The following MAGI3 variants were observed in gnomAD, a reference collection of about 807,000 sequenced individuals.
The protein encoded by MAGI3 is membrane-associated guanylate kinase, WW and PDZ domain-containing protein 3.
MAGI3 carries 43 observed loss-of-function variants against 121.8 expected under a neutral mutation model. The observed-to-expected ratio is 0.35, with a 90% CI of 0.28 to 0.46. The LOEUF is 0.46. Ranked by LOEUF, MAGI3 falls within the 20% of genes least tolerant of loss-of-function variation. The probability of loss-of-function intolerance (pLI) is 1.00; values close to 1 mark genes in which losing one functional copy is unlikely to be tolerated. For synonymous variants in MAGI3, 553 were observed against 639.3 expected (o/e 0.86, Z 2.04); for missense variants, 1,547 against 1,797.3 (o/e 0.86, Z 2.52).
At chr1:113,682,317 C>G (rs996731608) in intron 20 of MAGI3, 4 of 1,580,902 alleles carry the variant, frequency 2.5e-6, no homozygotes, top group Non-Finnish European at 3.4e-6. Flanking sequence ...ATTTGCATGT[C>G]TTGTAAATCA....
At chr1:113,646,857 A>G (rs972380970) in intron 12 of MAGI3, among the ~76,000 whole-genome samples, 1 of 152,210 alleles carries the variant, frequency 6.6e-6, no homozygotes, top group Admixed American at 6.5e-5. Context: ...ACCAGATGCC[A>G]TACTAGGTAA....
chr1:113,656,605 C>T (rs1043027937), intron 15 of MAGI3, among the ~76,000 whole-genome samples: 3 of 151,860 alleles, frequency 2.0e-5, no homozygotes, highest in Admixed American at 6.6e-5. Context: ...TTAGCAGAGA[C>T]GGGGTTTTGC....
intron 2 of MAGI3, among the ~76,000 whole-genome samples, chr1:113,566,626 A>G (rs932922661): frequency 6.6e-6 from 1 of 152,204 alleles, no homozygotes; most frequent in African/African-American, 2.4e-5. Flanking sequence ...ATGGAATGAA[A>G]CTAAAATTAA....
At chr1:113,410,436 C>G (rs1476047051) in intron 1 of MAGI3, among the ~76,000 whole-genome samples, 1 of 151,898 alleles carries the variant, frequency 6.6e-6, no homozygotes, top group Non-Finnish European at 1.5e-5. Flanking sequence ...TTTTCTTTTA[C>G]TATTTTAAAT....
At chr1:113,601,409 A>G (rs1649372527) in intron 6 of MAGI3, among the ~76,000 whole-genome samples, 1 of 151,460 alleles carries the variant, frequency 6.6e-6, no homozygotes, top group African/African-American at 2.4e-5. Flanking sequence ...AAAGTGGGCA[A>G]AGGACATGAA....
chr1:113,484,713 C>CTCCCTTCCCTTCCCT (rs755365981), intron 1 of MAGI3, among the ~76,000 whole-genome samples: 314 of 17,652 alleles, frequency 0.018, 17 homozygotes, highest in African/African-American at 0.046. Flanking sequence ...CTCCCCTCCC[C>CTCCCTTCCCTTCCCT]TCCCTTCCCT....
At chr1:113,410,044 C>G (rs1316712916) in intron 1 of MAGI3, among the ~76,000 whole-genome samples, 1 of 152,142 alleles carries the variant, frequency 6.6e-6, no homozygotes, top group East Asian at 1.9e-4. Flanking sequence ...TTTATCACCA[C>G]ATTTCTTCAG....
chr1:113,580,436 G>GA, intron 2 of MAGI3, 106 bp from the exon 3 acceptor site: 1 of 975,430 alleles, frequency 1.0e-6, no homozygotes, highest in Non-Finnish European at 1.4e-6. Context: ...GCAGGGGAAT[G>GA]AAACATCTCT....
chr1:113,640,929 ATATC>A (rs1306660554), intron 9 of MAGI3, among the ~76,000 whole-genome samples: 1 of 78,336 alleles, frequency 1.3e-5, no homozygotes, highest in Non-Finnish European at 2.5e-5. Context: ...TATATTTTAT[ATATC>A]ATATATATAA....
chr1:113,509,190 C>A (rs534587182), intron 1 of MAGI3, among the ~76,000 whole-genome samples: 1 of 151,836 alleles, frequency 6.6e-6, no homozygotes, highest in Non-Finnish European at 1.5e-5. Context: ...ACAACAAAAT[C>A]GTTTACTCAT....
chr1:113,465,908 T>C (rs1283253912), intron 1 of MAGI3, among the ~76,000 whole-genome samples: 1 of 152,148 alleles, frequency 6.6e-6, no homozygotes, highest in Non-Finnish European at 1.5e-5. Context: ...GTAGAATCTT[T>C]AGGTTTTTCT....
chr1:113,660,211 G>A (rs1334398674), intron 16 of MAGI3, among the ~76,000 whole-genome samples: 1 of 152,024 alleles, frequency 6.6e-6, no homozygotes, highest in Non-Finnish European at 1.5e-5. Flanking sequence ...GCTCCCTTAG[G>A]CCCTGTCGAA....
chr1:113,643,905 C>A, intron 11 of MAGI3, 131 bp downstream of exon 11: 2 of 958,704 alleles, frequency 2.1e-6, no homozygotes, highest in Non-Finnish European at 3.2e-6. Context: ...CTGCCCTTGG[C>A]TTGTATTTAT....
chr1:113,431,445 G>A (rs1322834339), intron 1 of MAGI3, among the ~76,000 whole-genome samples: 1 of 152,100 alleles, frequency 6.6e-6, no homozygotes, highest in African/African-American at 2.4e-5. Flanking sequence ...AGTTGGAAAG[G>A]AAGAAACAAA....
intron 1 of MAGI3, among the ~76,000 whole-genome samples, chr1:113,396,366 C>T (rs1539411): frequency 0.15 from 23,127 of 151,302 alleles, 2,808 homozygotes; most frequent in East Asian, 0.63. Context: ...AGAACCGTTT[C>T]GCCTTTAATA....
intron 1 of MAGI3, among the ~76,000 whole-genome samples, chr1:113,444,257 T>C (rs1183868361): frequency 6.6e-6 from 1 of 152,218 alleles, no homozygotes; most frequent in Non-Finnish European, 1.5e-5. Flanking sequence ...TGGGGATCTG[T>C]GCTCTGATTG....
rs182701333 is a variant in MAGI3 at position 113,681,853 on chromosome 1, C to T, written c.3328+517C>T. ...CAGGGAGTTGGACCTGAGACCATTT[C>T]TGTCCTGTATTAATGTTAAACTTCC... is the stretch of plus-strand genomic sequence containing the variant. On this transcript the variant is annotated intron_variant, in intron 20 of 20. Transcript: ENST00000307546. Among the ~76,000 whole-genome samples the T allele has an allele frequency of 7.0e-3, 1,064 of 152,330 alleles. 6 individuals are homozygous for T. The highest frequency in any genetic ancestry group is 0.012 in the Non-Finnish European group (793 of 68,028).
At chr1:113,630,805 A>G (rs537233528) in intron 9 of MAGI3, among the ~76,000 whole-genome samples, 292 of 151,944 alleles carry the variant, frequency 1.9e-3, no homozygotes, top group Admixed American at 3.9e-3. Flanking sequence ...GCTAAGGGAG[A>G]GGTGGCGTAA....
At chr1:113,529,963 T>G (rs1658628318) in intron 1 of MAGI3, among the ~76,000 whole-genome samples, 1 of 152,178 alleles carries the variant, frequency 6.6e-6, no homozygotes, top group South Asian at 2.1e-4. Flanking sequence ...AGTTTTTCTT[T>G]TTCTGGAAAA....
Sources: allele counts gnomAD v4.1 joint callset (sites outside exome capture counted in the v4.1 genomes callset), GRCh38; gene constraint gnomAD v4.1.1; transcripts MANE v1.5; gene names NCBI Gene and HGNC (gene_info 2026-07-23, HGNC 2026-07-21).